UBQLN1: variants seen among roughly 807,000 people sequenced by gnomAD.
UBQLN1 encodes the protein ubiquilin-1.
In UBQLN1, 13 loss-of-function variants were observed where a neutral mutation model predicts 65.4. The ratio of observed to expected loss-of-function variants is 0.20; its 90% CI spans 0.13 to 0.32. The LOEUF is 0.32. Ranked by LOEUF, UBQLN1 falls within the 10% of genes least tolerant of loss-of-function variation. UBQLN1 has a pLI of 1.00. For missense variants in UBQLN1, 561 were observed against 724.0 expected (o/e 0.77, Z 2.58); for synonymous variants, 267 against 247.8 (o/e 1.08, Z -0.73).
At chr9:83,667,721 T>A (rs1831664608) in intron 7 of UBQLN1, 1 of 982,930 alleles carries the variant, frequency 1.0e-6, no homozygotes, top group Non-Finnish European at 1.2e-6. Flanking sequence ...CAGATAATCA[T>A]CTTATTAGAT....
intron 4 of UBQLN1, among the ~76,000 whole-genome samples, chr9:83,678,827 C>A (rs1023100713): frequency 6.6e-6 from 1 of 152,162 alleles, no homozygotes; most frequent in African/African-American, 2.4e-5. Flanking sequence ...CACCCATTCT[C>A]CTGCCTCAGC....
chr9:83,683,137 G>A, intron 2 of UBQLN1, 71 bp from the exon 3 acceptor site: 1 of 1,111,020 alleles, frequency 9.0e-7, no homozygotes, highest in Non-Finnish European at 1.3e-6. Flanking sequence ...CAAAGGCCAG[G>A]CACAGTGGCT....
At position 83,661,796 on chromosome 9, in the gene UBQLN1, C is replaced by A; in HGVS notation, c.1761G>T (p.Gln587His). 1 of 1,605,984 alleles carries A rather than the reference C, an allele frequency of 6.2e-7. No individual in the cohort carries two copies. Reference protein sequence around the residue: ...NAAIERLLGSQPS With the variant: ...NAAIERLLGSHPS ...AGATACAGAAATGCTGCTATGATGG[C>A]TGGGAGCCCAGTAACCTTTCAATAG... Residue 587 changes from glutamine (Q) to histidine (H), a missense_variant, in exon 11 of 11, where the codon CAG becomes CAT. Transcript: ENST00000376395.
At chr9:83,706,191 C>T (rs1248269404) in intron 1 of UBQLN1, among the ~76,000 whole-genome samples, 2 of 152,176 alleles carry the variant, frequency 1.3e-5, no homozygotes, top group East Asian at 1.9e-4. Flanking sequence ...GTGACATGTA[C>T]TGGTGTCATC....
intron 7 of UBQLN1, chr9:83,667,649 A>G: frequency 1.0e-6 from 1 of 985,406 alleles, no homozygotes; most frequent in Non-Finnish European, 1.2e-6. Context: ...TATCACACAT[A>G]TCTTTTGGAA....
chr9:83,689,773 T>A (rs141488845), intron 1 of UBQLN1, among the ~76,000 whole-genome samples: 2 of 152,264 alleles, frequency 1.3e-5, no homozygotes, highest in African/African-American at 4.8e-5. Context: ...AAGAGACAAT[T>A]TGCAACACAA....
Position 83,669,226 on chromosome 9 carries a change from T to A in UBQLN1, c.1207A>T (p.Met403Leu). Residue 403 changes from methionine (M) to leucine (L), a missense_variant, in exon 7 of 11, where the codon ATG (methionine) becomes TTG (leucine). By Grantham distance (15) the Met-to-Leu change is conservative. This residue lies in a region of UBQLN1 where 102 missense variants were observed against 150.7 expected (regional missense o/e 0.68). Transcript: ENST00000376395. Reference sequence around the variant, plus strand: ...GGATTCTGGCTTAGTGACTGCATCATGCTTCTCATGTAGGGGGCAGACAAC... The same window carrying A: ...GGATTCTGGCTTAGTGACTGCATCAAGCTTCTCATGTAGGGGGCAGACAAC... ...NMLSAPYMRS[M>L]MQSLSQNPDL... The A allele has an allele frequency of 1.2e-6, 2 of 1,612,158 alleles. No individual in the cohort carries two copies. The highest frequency in any genetic ancestry group is 3.3e-4 in the Middle Eastern group (2 of 6,056).
chr9:83,666,857 C>T (rs578116730), intron 7 of UBQLN1: 2 of 154,008 alleles, frequency 1.3e-5, no homozygotes, highest in African/African-American at 2.4e-5. Context: ...GAAACCTCAA[C>T]ACACAAGTGG....
At chr9:83,671,816 T>G (rs1831736764) in intron 6 of UBQLN1, among the ~76,000 whole-genome samples, 1 of 152,210 alleles carries the variant, frequency 6.6e-6, no homozygotes, top group Non-Finnish European at 1.5e-5. Flanking sequence ...AGCCTTTCCT[T>G]TGAAGAACTG....
intron 1 of UBQLN1, among the ~76,000 whole-genome samples, chr9:83,691,483 G>T (rs1376855823): frequency 1.3e-5 from 2 of 152,184 alleles, no homozygotes; most frequent in African/African-American, 4.8e-5. Flanking sequence ...ACCATGAGTT[G>T]TCAGTATCAG....
Position 83,670,957 on chromosome 9 carries a change from C to T in UBQLN1, c.1106-1630G>A, listed in dbSNP as rs777383666. ...CAACGCAGTCAGTGTTCATGCTCCA[C>T]CTCTTTTTTTCTTTTTAAATTGAGA... On this transcript the variant is annotated intron_variant, in intron 6 of 10. Transcript: ENST00000376395. Among the ~76,000 whole-genome samples the T allele has an allele frequency of 1.1e-3, 169 of 152,240 alleles. 2 individuals carry two copies. Among genetic ancestry groups the T allele is most frequent in the Middle Eastern group, 6.8e-3 (2 of 294 alleles).
chr9:83,705,502 C>CA (rs1235270924), intron 1 of UBQLN1, among the ~76,000 whole-genome samples: 1 of 152,218 alleles, frequency 6.6e-6, no homozygotes, highest in African/African-American at 2.4e-5. Flanking sequence ...CTCGGCCTCA[C>CA]AAAGTGCTGG....
Position 83,704,948 on chromosome 9 carries a change from T to C in UBQLN1, c.180+2552A>G, listed in dbSNP as rs181993985. Among the ~76,000 whole-genome samples the C allele has an allele frequency of 5.9e-5, 9 of 152,236 alleles. No individual in the cohort carries two copies. The East Asian group carries it at 1.7e-3, about 29-fold the overall frequency. On this transcript the variant is annotated intron_variant, in intron 1 of 10. Transcript: ENST00000376395. ...ATCCTCACAGCTATAACATCATATA[T>C]TGACTGAAAGGAATTTTTCTATTTA... is the stretch of plus-strand genomic sequence containing the variant.
Position 83,680,035 on chromosome 9 carries a change from C to A in UBQLN1, c.451G>T (p.Gly151Cys). ...SATSNPFGLG[G>C]LGGLAGLSSL... ...CTCAGACCTGCAAGTCCCCCAAGGC[C>A]ACCTAAGAGGATAAAGGGCAAAAAC... Residue 151 changes from glycine (G) to cysteine (C), a missense_variant and splice_region_variant, in exon 4 of 11, where the codon GGC becomes TGC. Physicochemically the swap from Gly to Cys is radical, Grantham distance 159. Transcript: ENST00000376395. 6.2e-7 allele frequency: 1 copy of A among 1,609,648 alleles called. No homozygotes were observed. Among genetic ancestry groups the A allele is most frequent in the Non-Finnish European group, 8.5e-7 (1 of 1,176,556 alleles).
Position 83,664,923 on chromosome 9 carries a change from CAAAAAAAAAAAA to C in UBQLN1, c.1448+95_1448+106del, listed in dbSNP as rs539581441. The C allele has an allele frequency of 1.4e-4, 33 of 231,766 alleles. No individual in the cohort carries two copies. The Admixed American group carries it at 1.5e-3, about 10-fold the overall frequency. 14.4% of individuals were successfully genotyped at this position (231,766 alleles called of 1,614,324 possible). The stretch of plus-strand genomic sequence containing the variant: ...CGAAGGGCGAGACCCTGTATCCCAC[CAAAAAAAAAAAA>C]AAAAAAAAAAAGGCAGGCAGAATAA... On this transcript the variant is annotated intron_variant, in intron 9 of 10. Transcript: ENST00000376395.
intron 7 of UBQLN1, 173 bp downstream of exon 7, chr9:83,669,012 T>A (rs759635618): frequency 5.8e-6 from 4 of 692,402 alleles, no homozygotes; most frequent in Non-Finnish European, 8.8e-6. Flanking sequence ...ACATATGAAG[T>A]ATTAATTTAC....
intron 1 of UBQLN1, among the ~76,000 whole-genome samples, chr9:83,696,868 A>G (rs10746718): frequency 0.82 from 124,243 of 152,130 alleles, 51,283 homozygotes; most frequent in African/African-American, 0.93. Context: ...ATCACAAAAT[A>G]TTATCAGAGA....
chr9:83,679,258 C>T (rs779307878), intron 4 of UBQLN1, among the ~76,000 whole-genome samples: 56 of 152,138 alleles, frequency 3.7e-4, no homozygotes, highest in Non-Finnish European at 6.3e-4. Context: ...GCTTTTTGTT[C>T]GTTTTTGCTT....
intron 10 of UBQLN1, among the ~76,000 whole-genome samples, chr9:83,663,664 G>A (rs777801642): frequency 1.4e-4 from 21 of 152,118 alleles, no homozygotes; most frequent in Non-Finnish European, 2.9e-4. Context: ...CTCTACAACC[G>A]TAACAACGTT....
Sources: gnomAD v4.1 joint callset for allele counts (sites outside exome capture counted in the v4.1 genomes callset) on GRCh38, gnomAD v4.1.1 for gene constraint, gnomAD v4.1.1 regional missense constraint, MANE v1.5 for transcripts, NCBI Gene and HGNC (gene_info 2026-07-23, HGNC 2026-07-21) for gene names.